SLC24A2: variants seen among roughly 807,000 people sequenced by gnomAD.
SLC24A2 encodes the protein solute carrier family 24 member 2.
SLC24A2 carries 36 observed loss-of-function variants against 62.0 expected under a neutral mutation model. The observed-to-expected ratio is 0.58, with a 90% CI of 0.44 to 0.77. The LOEUF is 0.77. SLC24A2 is among the 30% of genes least tolerant of loss of function. The pLI, the probability that SLC24A2 is intolerant of heterozygous loss-of-function variation, is 0.00. For missense variants in SLC24A2, 846 were observed against 817.9 expected, an observed-to-expected ratio of 1.03 and a Z score of -0.42; for synonymous variants, 358 against 294.0, an observed-to-expected ratio of 1.22 and a Z score of -2.23.
chr9:20,305,369 T>G, the SLC24A2 span, among the ~76,000 whole-genome samples: 1 of 152,122 alleles, frequency 6.6e-6, no homozygotes, highest in East Asian at 1.9e-4. Context: ...CCTCCCAAAG[T>G]GCTGGGATTA....
Position 19,632,362 on chromosome 9 carries a change from A to C in SLC24A2, c.931-10063T>G, listed in dbSNP as rs370246575. Among the ~76,000 whole-genome samples, 165 of 152,234 alleles carry C rather than the reference A, an allele frequency of 1.1e-3. No homozygotes were observed. The highest frequency in any genetic ancestry group is 3.9e-3 in the African/African-American group (160 of 41,516). ...AAAAATCACCCATTCATTCTTCATCACATGTTTAATGAGCATCTTATATGT... is the reference window on the plus strand; with the variant it reads ...AAAAATCACCCATTCATTCTTCATCCCATGTTTAATGAGCATCTTATATGT... On this transcript the variant is annotated intron_variant, in intron 2 of 10. Coordinates refer to ENST00000341998, the MANE Select transcript of SLC24A2 (RefSeq NM_020344.4). This position sits in a 1 kb window ranked among gnomAD's most constrained non-coding sequence, Gnocchi z 4.5.
chr9:19,704,298 A>G (rs140591752), intron 2 of SLC24A2, among the ~76,000 whole-genome samples: 3 of 152,306 alleles, frequency 2.0e-5, no homozygotes, highest in East Asian at 1.9e-4. Flanking sequence ...ATTAAATGAA[A>G]TAGGGTGATT....
chr9:20,186,106 C>T, the SLC24A2 span, among the ~76,000 whole-genome samples: 2 of 152,114 alleles, frequency 1.3e-5, no homozygotes, highest in East Asian at 1.9e-4. Flanking sequence ...AGGAGGGGGC[C>T]GGCCTTAAGA....
At chr9:20,231,376 T>A in the SLC24A2 span, among the ~76,000 whole-genome samples, 2 of 152,228 alleles carry the variant, frequency 1.3e-5, no homozygotes, top group Non-Finnish European at 2.9e-5. Context: ...GCATGGAATG[T>A]TCTTCCATTT....
At chr9:19,664,318 A>G (rs1163635116) in intron 2 of SLC24A2, among the ~76,000 whole-genome samples, 1 of 152,230 alleles carries the variant, frequency 6.6e-6, no homozygotes, top group Non-Finnish European at 1.5e-5. Flanking sequence ...TTAGAATAGA[A>G]GTTAGCTTAC....
the SLC24A2 span, among the ~76,000 whole-genome samples, chr9:20,175,291 C>T: frequency 1.3e-5 from 2 of 151,868 alleles, no homozygotes; most frequent in East Asian, 3.9e-4. Context: ...GTGTACACTG[C>T]TCAGATGATG....
At chr9:19,688,695 AGGAGTGCATTT>A (rs1796225518) in intron 2 of SLC24A2, among the ~76,000 whole-genome samples, 1 of 152,110 alleles carries the variant, frequency 6.6e-6, no homozygotes, top group Admixed American at 6.6e-5. Context: ...GAAATGCACT[AGGAGTGCATTT>A]GCAGAAATTT....
chr9:20,111,722 A>G, the SLC24A2 span, among the ~76,000 whole-genome samples: 1 of 152,158 alleles, frequency 6.6e-6, no homozygotes, highest in Non-Finnish European at 1.5e-5. Context: ...CTGGTTTAAC[A>G]CATCAGTAGA....
At chr9:19,990,922 G>GAT in the SLC24A2 span, among the ~76,000 whole-genome samples, 766 of 120,806 alleles carry the variant, frequency 6.3e-3, 36 homozygotes, top group Admixed American at 0.027. Context: ...GGACTAATAG[G>GAT]ATATATATAT....
intron 2 of SLC24A2, among the ~76,000 whole-genome samples, chr9:19,676,536 T>C (rs954214702): frequency 2.6e-5 from 4 of 152,198 alleles, no homozygotes; most frequent in Non-Finnish European, 5.9e-5. Flanking sequence ...CTATTTTTTT[T>C]CCCACAATGG....
the SLC24A2 span, among the ~76,000 whole-genome samples, chr9:19,966,461 T>C: frequency 6.6e-6 from 1 of 152,244 alleles, no homozygotes; most frequent in Non-Finnish European, 1.5e-5. Flanking sequence ...CAATAATTTC[T>C]TGTAGCTAAG....
the SLC24A2 span, among the ~76,000 whole-genome samples, chr9:20,072,516 C>T: frequency 1.3e-5 from 2 of 151,826 alleles, no homozygotes; most frequent in African/African-American, 2.4e-5. Context: ...GGTTATATAG[C>T]GATCTATATA....
chr9:20,148,700 G>C, the SLC24A2 span, among the ~76,000 whole-genome samples: 1 of 152,134 alleles, frequency 6.6e-6, no homozygotes, highest in Non-Finnish European at 1.5e-5. Flanking sequence ...TTACTAACTG[G>C]TGTATTATTA....
the SLC24A2 span, among the ~76,000 whole-genome samples, chr9:20,185,375 G>GA: frequency 1.3e-4 from 19 of 151,706 alleles, no homozygotes; most frequent in African/African-American, 4.6e-4. Context: ...TTTAAAAAAA[G>GA]AAAAAACAGG....
chr9:20,072,042 C>T, the SLC24A2 span, among the ~76,000 whole-genome samples: 1 of 152,216 alleles, frequency 6.6e-6, no homozygotes, highest in East Asian at 1.9e-4. Flanking sequence ...GTGCCACCCT[C>T]CTGGCAGGTG....
chr9:19,720,695 C>T (rs1049024224), intron 2 of SLC24A2, among the ~76,000 whole-genome samples: 1 of 83,028 alleles, frequency 1.2e-5, no homozygotes, highest in Non-Finnish European at 2.8e-5. Context: ...GACAACCCCC[C>T]CCCCCAAAAA....
intron 2 of SLC24A2, among the ~76,000 whole-genome samples, chr9:19,693,046 A>C (rs1820087537): frequency 6.6e-6 from 1 of 152,146 alleles, no homozygotes; most frequent in South Asian, 2.1e-4. Context: ...GCATAAAATG[A>C]GGTAACATCC....
the SLC24A2 span, among the ~76,000 whole-genome samples, chr9:20,245,521 G>A: frequency 1.3e-5 from 2 of 152,310 alleles, no homozygotes; most frequent in South Asian, 4.2e-4. Flanking sequence ...TGGGTTTGGA[G>A]TCAGAAGCAG....
chr9:20,191,650 G>T, the SLC24A2 span, among the ~76,000 whole-genome samples: 1 of 151,368 alleles, frequency 6.6e-6, no homozygotes, highest in Non-Finnish European at 1.5e-5. Context: ...TGGCCTCCTT[G>T]TGGCAGTAGA....
Sources: gnomAD v4.1 joint callset for allele counts (sites outside exome capture counted in the v4.1 genomes callset) on GRCh38, gnomAD v4.1.1 for gene constraint, Gnocchi (gnomAD v3.1) non-coding constraint, MANE v1.5 for transcripts, NCBI Gene and HGNC (gene_info 2026-07-23, HGNC 2026-07-21) for gene names.